The following ARSJ variants were observed in gnomAD, a reference collection of about 807,000 sequenced individuals.
ARSJ encodes the protein arylsulfatase J.
In ARSJ, 26 loss-of-function variants were observed where a neutral mutation model predicts 35.9. The observed-to-expected ratio is 0.72, with a 90% confidence interval of 0.53 to 1.00. The LOEUF is 1.00. Among genes scored for constraint, ARSJ ranks in the 50% least tolerant of loss-of-function variants. ARSJ has a pLI of 0.00. For synonymous variants in ARSJ, 294 were observed against 267.6 expected, an observed-to-expected ratio of 1.10 and a Z score of -0.96; for missense variants, 667 against 723.6, an observed-to-expected ratio of 0.92 and a Z score of 0.90.
At chr4:113,930,075 G>C (rs1724332610) in intron 1 of ARSJ, among the ~76,000 whole-genome samples, 1 of 152,110 alleles carries the variant, frequency 6.6e-6, no homozygotes, top group African/African-American at 2.4e-5. Flanking sequence ...ACCAGTGAAA[G>C]AACTCCATCC....
At chr4:113,928,547 A>G (rs956612346) in intron 1 of ARSJ, among the ~76,000 whole-genome samples, 1 of 152,152 alleles carries the variant, frequency 6.6e-6, no homozygotes, top group Admixed American at 6.5e-5. Flanking sequence ...TAATTAGCCA[A>G]TGCTAGAGGT....
intron 1 of ARSJ, among the ~76,000 whole-genome samples, chr4:113,921,082 TACACACACACACACACACAC>T (rs746326993): frequency 7.7e-6 from 1 of 129,548 alleles, no homozygotes; most frequent in African/African-American, 2.7e-5. Context: ...TTCCCTGAAA[TACACACACACACACACACAC>T]ACACACACAC....
Position 113,902,843 on chromosome 4 carries a change from G to T in ARSJ, c.1231C>A (p.Leu411Ile), listed in dbSNP as rs780953393. Reference sequence around the variant, plus strand: ...AAAATATCTACTCGGGGTGAGCGAAGACCCTCACTTATGGTCTCCCAGATA... The same window carrying T: ...AAAATATCTACTCGGGGTGAGCGAATACCCTCACTTATGGTCTCCCAGATA... Reference protein sequence around the residue: ...YDIWETISEGLRSPRVDILHN... With the variant: ...YDIWETISEGIRSPRVDILHN... The change falls in exon 2 of 2, where the codon CTT (leucine) becomes ATT (isoleucine). Residue 411 changes from leucine (L) to isoleucine (I), a missense_variant. Coordinates refer to ENST00000315366, the MANE Select transcript of ARSJ (RefSeq NM_024590.4). The T allele has an allele frequency of 6.2e-7, 1 of 1,613,984 alleles. No individual in the cohort carries two copies. Among genetic ancestry groups the T allele is most frequent in the African/African-American group, 1.3e-5 (1 of 74,894 alleles).
At chr4:113,918,934 G>A (rs1172674472) in intron 1 of ARSJ, among the ~76,000 whole-genome samples, 2 of 151,888 alleles carry the variant, frequency 1.3e-5, no homozygotes, top group Non-Finnish European at 2.9e-5. Flanking sequence ...CTGATACTAA[G>A]CGCGCATGTC....
At position 113,901,711 on chromosome 4, in the gene ARSJ, A is replaced by ATT. The variant is rs34933524; in HGVS notation, c.*562_*563insAA. 94,276 of 152,054 alleles carry ATT rather than the reference A, an allele frequency of 0.62. 31,996 individuals are homozygous for ATT. Among genetic ancestry groups the ATT allele is most frequent in the Non-Finnish European group, 0.76 (51,614 of 67,946 alleles). 9.4% of individuals were successfully genotyped at this position (152,054 alleles called of 1,614,324 possible). A position where few individuals can be genotyped will look rare whatever the true frequency, so the allele number is the denominator to read the frequency against. The stretch of plus-strand genomic sequence containing the variant: ...GCTTTTCACAGGAAAAGAAACATAT[A>ATT]TATATATATAAAATAGAATTAATTA... On this transcript the variant is annotated 3_prime_UTR_variant, in exon 2 of 2. Transcript: ENST00000315366.
chr4:113,932,750 A>G (rs1403299229), intron 1 of ARSJ, among the ~76,000 whole-genome samples: 1 of 152,076 alleles, frequency 6.6e-6, no homozygotes. Context: ...GCTTATGTCA[A>G]AAAAGTAGAA....
At chr4:113,959,493 A>T (rs1726406181) in intron 1 of ARSJ, among the ~76,000 whole-genome samples, 1 of 152,082 alleles carries the variant, frequency 6.6e-6, no homozygotes, top group Non-Finnish European at 1.5e-5. Context: ...GCCTGAAGAA[A>T]GAATTTTTAG....
rs140431375 is a variant in ARSJ at position 113,906,921 on chromosome 4, T to C, written c.399-3246A>G. Among the ~76,000 whole-genome samples the C allele has an allele frequency of 4.0e-3, 606 of 152,346 alleles. 4 individuals are homozygous for C. The highest frequency in any genetic ancestry group is 0.014 in the African/African-American group (586 of 41,570). On this transcript the variant is annotated intron_variant, in intron 1 of 1. Transcript: ENST00000315366. ...TAATTTATAGATTTTTTATATGCAT[T>C]ATTGCATTTAAGTTTCACTGCAACA...
chr4:113,922,739 T>G (rs1053042854), intron 1 of ARSJ, among the ~76,000 whole-genome samples: 19 of 152,184 alleles, frequency 1.2e-4, no homozygotes, highest in Admixed American at 1.2e-3. Flanking sequence ...CAGTTTTGCT[T>G]GGTTATATGA....
chr4:113,918,773 C>T (rs904163753), intron 1 of ARSJ, among the ~76,000 whole-genome samples: 2 of 152,000 alleles, frequency 1.3e-5, no homozygotes, highest in Non-Finnish European at 2.9e-5. Context: ...ATTGCTAATG[C>T]TGTAGTAAGA....
intron 1 of ARSJ, among the ~76,000 whole-genome samples, chr4:113,906,009 T>C (rs72893425): frequency 0.018 from 2,762 of 152,252 alleles, 72 homozygotes; most frequent in African/African-American, 0.064. Context: ...GTGAAAAAAC[T>C]AATTTTTTAA....
Position 113,978,969 on chromosome 4 carries a change from T to C in ARSJ, c.-135A>G, listed in dbSNP as rs1052821583. On this transcript the variant is annotated 5_prime_UTR_variant, in exon 1 of 2. An upstream start codon of the reference 5' UTR is lost. Transcript: ENST00000315366. ...CCTCCTCTCCTCTCAGCTGTCACCA[T>C]GTCCGACAACTTTAATCTTCCAGAA... The C allele has an allele frequency of 3.2e-6, 3 of 924,796 alleles. No individual in the cohort carries two copies. Among genetic ancestry groups the C allele is most frequent in the South Asian group, 1.7e-5 (1 of 58,064 alleles). The allele number at this position is 924,796 out of a possible 1,614,324, so 57.3% of individuals were successfully genotyped here.
rs1470228779 is a variant in ARSJ at position 113,900,946 on chromosome 4, T to C, written c.*1328A>G. The C allele has an allele frequency of 2.0e-5, 3 of 152,172 alleles. No individual in the cohort carries two copies. 9.4% of individuals were successfully genotyped at this position (152,172 alleles called of 1,614,324 possible). A position where few individuals can be genotyped will look rare whatever the true frequency, so the allele number is the denominator to read the frequency against. On this transcript the variant is annotated 3_prime_UTR_variant, in exon 2 of 2. Transcript: ENST00000315366. ...ATAAGAGTAAGTTTATTACTTTTAA[T>C]GGGAAAAACCGCAACTAGTTTTGCA...
chr4:113,954,622 G>A (rs1420323585), intron 1 of ARSJ, among the ~76,000 whole-genome samples: 3 of 152,126 alleles, frequency 2.0e-5, no homozygotes, highest in African/African-American at 7.2e-5. Context: ...TTGTCCCAAA[G>A]ATTTACATAG....
At chr4:113,914,236 T>G (rs1723138089) in intron 1 of ARSJ, among the ~76,000 whole-genome samples, 2 of 152,220 alleles carry the variant, frequency 1.3e-5, no homozygotes, top group South Asian at 4.2e-4. Flanking sequence ...CCTCCCAAAG[T>G]GCTGGGATTA....
chr4:113,901,494 A>C lies in ARSJ; in HGVS notation c.*780T>G, dbSNP rs2099667030. Reference sequence around the variant, plus strand: ...ATAAAAATAAAATAAAGTCATTTGCATAACTTTTTATAAAAACAACAAAAT... The same window carrying C: ...ATAAAAATAAAATAAAGTCATTTGCCTAACTTTTTATAAAAACAACAAAAT... On this transcript the variant is annotated 3_prime_UTR_variant, in exon 2 of 2. Coordinates refer to ENST00000315366, the MANE Select transcript of ARSJ (RefSeq NM_024590.4). 6.6e-6 allele frequency: 1 copy of C among 152,526 alleles called. No individual in the cohort carries two copies. The highest frequency in any genetic ancestry group is 1.5e-5 in the Non-Finnish European group (1 of 68,012). 9.4% of individuals were successfully genotyped at this position (152,526 alleles called of 1,614,324 possible). A position where few individuals can be genotyped will look rare whatever the true frequency, so the allele number is the denominator to read the frequency against.
In ARSJ at chr4:113,902,682, G is replaced by A. The variant is rs778270803; in HGVS notation, c.1392C>T (p.Ser464=). The A allele has an allele frequency of 1.2e-6, 2 of 1,614,186 alleles. No individual in the cohort carries two copies. Among genetic ancestry groups the A allele is most frequent in the Non-Finnish European group, 1.7e-6 (2 of 1,180,034 alleles). Residue 464 remains serine (S), a synonymous_variant, in exon 2 of 2, where the codon AGC becomes AGT. Coordinates refer to ENST00000315366, the MANE Select transcript of ARSJ (RefSeq NM_024590.4). ...TGAAAGACTGAGGGGGGACCCAGTC[G>A]CTGTAGCCAGGATTTCCTGTAAGCA... ...WKLLTGNPGY[S]DWVPPQSFSN...
chr4:113,928,921 C>T (rs1275435079), intron 1 of ARSJ, among the ~76,000 whole-genome samples: 1 of 152,130 alleles, frequency 6.6e-6, no homozygotes, highest in Non-Finnish European at 1.5e-5. Flanking sequence ...CCTTCCTGTA[C>T]ATTAAACCAG....
chr4:113,920,777 C>A (rs1723621898), intron 1 of ARSJ, among the ~76,000 whole-genome samples: 1 of 152,002 alleles, frequency 6.6e-6, no homozygotes, highest in African/African-American at 2.4e-5. Flanking sequence ...GTCAGTTTGG[C>A]AAGCATTTTA....
Sources: gnomAD v4.1 joint callset for allele counts (sites outside exome capture counted in the v4.1 genomes callset) on GRCh38, gnomAD v4.1.1 for gene constraint, MANE v1.5 for transcripts, NCBI Gene and HGNC (gene_info 2026-07-23, HGNC 2026-07-21) for gene names.